Variants in USP37 observed in about 807,000 individuals in gnomAD.
USP37 encodes ubiquitin specific peptidase 37, also known as ubiquitin carboxyl-terminal hydrolase 37.
In USP37, 27 loss-of-function variants were observed where a neutral mutation model predicts 124.0. That is an observed-to-expected ratio of 0.22 (90% CI 0.16 to 0.30). The LOEUF is 0.30. Among genes scored for constraint, USP37 ranks in the 10% least tolerant of loss-of-function variants. The pLI, the probability that USP37 is intolerant of heterozygous loss-of-function variation, is 1.00. For missense variants in USP37, 889 were observed against 1,140.4 expected (o/e 0.78, Z 3.17); for synonymous variants, 365 against 388.0 (o/e 0.94, Z 0.70).
Position 218,534,697 on chromosome 2 carries a change from C to T in USP37, c.690G>A (p.Lys230=), listed in dbSNP as rs1285507274. 3 of 1,597,764 alleles carry T rather than the reference C, an allele frequency of 1.9e-6. No homozygotes were observed. ...ACTTTCTGGAGGGATCTGTCATGGC[C>T]TTGTTGTTCCTATAGTTAATAATTT... ...PKENDSSSNN[K]AMTDPSRKYL... Residue 230 remains lysine (K), a synonymous_variant, in exon 9 of 26, where the codon AAG becomes AAA. Transcript: ENST00000258399.
chr2:218,549,649 G>C (rs564105569), intron 6 of USP37, among the ~76,000 whole-genome samples, 160 bp downstream of exon 6: 1 of 152,204 alleles, frequency 6.6e-6, no homozygotes, highest in East Asian at 1.9e-4. Flanking sequence ...ATTTTTAGTA[G>C]AGATGGGGTT....
At chr2:218,508,008 T>C (rs1479978573) in intron 11 of USP37, among the ~76,000 whole-genome samples, 1 of 152,220 alleles carries the variant, frequency 6.6e-6, no homozygotes, top group Non-Finnish European at 1.5e-5. Flanking sequence ...TGGAATCCCT[T>C]AGGCTCCCTT....
At chr2:218,525,327 CA>C (rs1017036210) in intron 10 of USP37, among the ~76,000 whole-genome samples, 1 of 151,694 alleles carries the variant, frequency 6.6e-6, no homozygotes, top group African/African-American at 2.4e-5. Flanking sequence ...CGAAAAATAC[CA>C]AAAAAATAGC....
intron 10 of USP37, among the ~76,000 whole-genome samples, chr2:218,526,074 T>C (rs1690942313): frequency 6.6e-6 from 1 of 152,240 alleles, no homozygotes; most frequent in African/African-American, 2.4e-5. Context: ...TCACGTTCTT[T>C]ATCCAGTCTA....
rs778154896 is a variant in USP37 at position 218,463,530 on chromosome 2, CTTTTTTTTTTTTTT to C, written c.2467-178_2467-165del. ...TTGAGGAATGTGGGGAAGTTCTTTA[CTTTTTTTTTTTTTT>C]TTTTTTTTTGAGACGGAGTCTCGCT... On this transcript the variant is annotated intron_variant, in intron 21 of 25. Transcript: ENST00000258399. Among the ~76,000 whole-genome samples, 19 of 99,098 alleles carry C rather than the reference CTTTTTTTTTTTTTT, an allele frequency of 1.9e-4. No homozygotes were observed. The Admixed American group carries it at 2.1e-3, about 11-fold the overall frequency. The allele number at this position is 99,098 out of a possible 152,430, so 65.0% of individuals were successfully genotyped here. A position where few individuals can be genotyped will look rare whatever the true frequency, so the allele number is the denominator to read the frequency against.
intron 8 of USP37, among the ~76,000 whole-genome samples, chr2:218,543,736 G>A (rs1692131425): frequency 6.6e-6 from 1 of 151,874 alleles, no homozygotes; most frequent in African/African-American, 2.4e-5. Flanking sequence ...AACCCAGGAG[G>A]CAGAGCTTGC....
rs756428710 is a variant in USP37, at chr2:218,488,333, T to C, written c.1561A>G (p.Ile521Val). ...RRKKPLPPRS[I>V]QDSLDLFFRA... Reference sequence around the variant, plus strand: ...AAGAAAAGATCAAGAGAATCTTGAATTGAACGAGGAGGGAGTGGTTTTTTC... The same window carrying C: ...AAGAAAAGATCAAGAGAATCTTGAACTGAACGAGGAGGGAGTGGTTTTTTC... The change falls in exon 15 of 26, where the codon ATT (isoleucine) becomes GTT (valine). Residue 521 changes from isoleucine to valine, a missense_variant. Coordinates refer to ENST00000258399, the MANE Select transcript of USP37 (RefSeq NM_020935.3). The C allele has an allele frequency of 1.9e-6, 3 of 1,609,330 alleles. No individual in the cohort carries two copies. Among genetic ancestry groups the C allele is most frequent in the South Asian group, 2.2e-5 (2 of 89,960 alleles).
intron 11 of USP37, among the ~76,000 whole-genome samples, chr2:218,503,716 AAAAAAG>A (rs141771441): frequency 2.6e-5 from 4 of 152,050 alleles, no homozygotes; most frequent in Non-Finnish European, 5.9e-5. Flanking sequence ...ACTCCATCTC[AAAAAAG>A]AAAAAGAAAA....
intron 10 of USP37, among the ~76,000 whole-genome samples, chr2:218,525,286 G>A (rs1214310648): frequency 2.0e-5 from 3 of 152,096 alleles, no homozygotes; most frequent in East Asian, 3.9e-4. Flanking sequence ...TTTGAGACTA[G>A]CCTGGGCAAC....
chr2:218,524,399 C>T (rs541940469), intron 10 of USP37, among the ~76,000 whole-genome samples: 1 of 152,228 alleles, frequency 6.6e-6, no homozygotes, highest in African/African-American at 2.4e-5. Context: ...TGCTCCACTC[C>T]CAGCCATCTT....
At position 218,476,756 on chromosome 2, in the gene USP37, T is replaced by C. The variant is rs192846105; in HGVS notation, c.2043+84A>G. On this transcript the variant is annotated intron_variant, in intron 19 of 25. Coordinates refer to ENST00000258399, the MANE Select transcript of USP37 (RefSeq NM_020935.3). ...GGCATTTTCTTTAAAACTAATTAGT[T>C]TGATGATGGTTATGAAAGACATTTG... 2.4e-3 allele frequency: 3,357 copies of C among 1,406,030 alleles called. 10 individuals are homozygous for C. Among genetic ancestry groups the C allele is most frequent in the Non-Finnish European group, 2.6e-3 (2,814 of 1,067,032 alleles). The allele number at this position is 1,406,030 out of a possible 1,614,324, so 87.1% of individuals were successfully genotyped here. A position where few individuals can be genotyped will look rare whatever the true frequency, so the allele number is the denominator to read the frequency against.
chr2:218,545,106 G>A (rs1276418614), intron 8 of USP37, among the ~76,000 whole-genome samples: 1 of 152,124 alleles, frequency 6.6e-6, no homozygotes, highest in Non-Finnish European at 1.5e-5. Flanking sequence ...ATAGTGAACT[G>A]GGTTATTTCA....
At chr2:218,486,949 A>G (rs1217270872) in intron 15 of USP37, among the ~76,000 whole-genome samples, 1 of 151,874 alleles carries the variant, frequency 6.6e-6, no homozygotes, top group African/African-American at 2.4e-5. Context: ...GATGGTCTCG[A>G]TCTCCTGACC....
chr2:218,540,644 C>T (rs917717382), intron 8 of USP37, among the ~76,000 whole-genome samples: 2 of 152,098 alleles, frequency 1.3e-5, no homozygotes, highest in African/African-American at 4.8e-5. Flanking sequence ...TGTCTCAAAA[C>T]CAAAACAAAA....
At chr2:218,566,665 A>G (rs953582591) in intron 1 of USP37, among the ~76,000 whole-genome samples, 1 of 152,384 alleles carries the variant, frequency 6.6e-6, no homozygotes, top group African/African-American at 2.4e-5. Flanking sequence ...CTTAATCCTC[A>G]TAACAATCCA....
intron 13 of USP37, among the ~76,000 whole-genome samples, chr2:218,497,477 TCTGC>T (rs1224052138): frequency 6.6e-6 from 1 of 152,098 alleles, no homozygotes; most frequent in Non-Finnish European, 1.5e-5. Context: ...CACTACAACC[TCTGC>T]CTCCCGGGTT....
chr2:218,467,831 A>G (rs890021200), intron 20 of USP37, among the ~76,000 whole-genome samples: 4 of 151,470 alleles, frequency 2.6e-5, no homozygotes, highest in Non-Finnish European at 5.9e-5. Flanking sequence ...TAAACAGAAT[A>G]GTTATGATTT....
chr2:218,457,530 C>T (rs1329459956), intron 23 of USP37, among the ~76,000 whole-genome samples: 1 of 151,734 alleles, frequency 6.6e-6, no homozygotes, highest in African/African-American at 2.4e-5. Context: ...TTTTCCAAAC[C>T]CATATGAATG....
intron 18 of USP37, among the ~76,000 whole-genome samples, chr2:218,477,754 A>C (rs1340110586): frequency 2.6e-5 from 4 of 152,258 alleles, no homozygotes; most frequent in African/African-American, 9.6e-5. Context: ...ATATACTTAA[A>C]TTATCCTTAG....
Sources: gnomAD v4.1 joint callset for allele counts (sites outside exome capture counted in the v4.1 genomes callset) on GRCh38, gnomAD v4.1.1 for gene constraint, MANE v1.5 for transcripts, NCBI Gene and HGNC (gene_info 2026-07-23, HGNC 2026-07-21) for gene names.